NEIL2: variants seen among roughly 807,000 people sequenced by gnomAD.
The protein encoded by NEIL2 is nei like DNA glycosylase 2.
In NEIL2, 23 loss-of-function variants were observed where a neutral mutation model predicts 22.2. The observed-to-expected ratio is 1.04, with a 90% CI of 0.75 to 1.47. The LOEUF (loss-of-function observed/expected upper bound fraction) is 1.47. Ranked by LOEUF, NEIL2 falls within the 40% of genes most tolerant of loss-of-function variation. The pLI, the probability that NEIL2 is intolerant of heterozygous loss-of-function variation, is 0.00. For missense variants in NEIL2, 583 were observed against 404.7 expected (o/e 1.44, Z -3.78); for synonymous variants, 229 against 164.8 (o/e 1.39, Z -2.99).
chr8:11,777,615 T>G (rs1359391561), intron 2 of NEIL2, among the ~76,000 whole-genome samples: 1 of 152,172 alleles, frequency 6.6e-6, no homozygotes, highest in Non-Finnish European at 1.5e-5. Context: ...ATACCTCATA[T>G]CAGTGGAATT....
At chr8:11,771,623 C>T in intron 2 of NEIL2, 38 bp downstream of exon 2, 1 of 1,590,222 alleles carries the variant, frequency 6.3e-7, no homozygotes, top group Non-Finnish European at 8.6e-7. Flanking sequence ...GCTCTGTCGC[C>T]CATCCTGCGC....
intron 3 of NEIL2, 50 bp downstream of exon 3, chr8:11,780,000 C>G: frequency 6.6e-7 from 1 of 1,517,404 alleles, no homozygotes; most frequent in Non-Finnish European, 9.1e-7. Flanking sequence ...TCATAGGGCC[C>G]TGCTTGGTGG....
At chr8:11,780,985 G>A (rs775894027) in intron 3 of NEIL2, among the ~76,000 whole-genome samples, 7 of 152,102 alleles carry the variant, frequency 4.6e-5, no homozygotes, top group Non-Finnish European at 7.4e-5. Flanking sequence ...CTTTGATTGT[G>A]CTTATGATGT....
chr8:11,786,268 T>C lies in NEIL2; in HGVS notation c.994T>C (p.Ser332Pro). ...AGAGGAGCCAGAGCAGTGCCAGTTCTCCTAAGGAGCTGGTGGTGCTCCTCA... is the reference window on the plus strand; with the variant it reads ...AGAGGAGCCAGAGCAGTGCCAGTTCCCCTAAGGAGCTGGTGGTGCTCCTCA... ...LSEEPEQCQF[S>P] Residue 332 changes from serine (S) to proline (P), a missense_variant, in exon 5 of 5, where the codon TCC becomes CCC. Physicochemically the swap from Ser to Pro is moderately conservative, Grantham distance 74. Transcript: ENST00000284503. 1.2e-6 allele frequency: 2 copies of C among 1,611,386 alleles called. No homozygotes were observed. Among genetic ancestry groups the C allele is most frequent in the South Asian group, 1.1e-5 (1 of 90,876 alleles).
intron 2 of NEIL2, among the ~76,000 whole-genome samples, chr8:11,772,558 G>A (rs1258156126): frequency 1.3e-5 from 2 of 152,180 alleles, no homozygotes; most frequent in Non-Finnish European, 2.9e-5. Context: ...CCATCTCTGT[G>A]CTTCCAGGAC....
At chr8:11,777,343 C>T (rs1437064613) in intron 2 of NEIL2, among the ~76,000 whole-genome samples, 3 of 151,828 alleles carry the variant, frequency 2.0e-5, no homozygotes, top group Admixed American at 6.6e-5. Flanking sequence ...ACAGTTGTCC[C>T]CCTCCCACCC....
chr8:11,778,846 G>C (rs1248061064), intron 2 of NEIL2, among the ~76,000 whole-genome samples: 1 of 146,584 alleles, frequency 6.8e-6, no homozygotes, highest in African/African-American at 2.5e-5. Context: ...CAGCTACTTG[G>C]GAAGCTGAGG....
At chr8:11,785,136 T>C (rs1261066620) in intron 4 of NEIL2, among the ~76,000 whole-genome samples, 4 of 152,170 alleles carry the variant, frequency 2.6e-5, no homozygotes, top group African/African-American at 9.7e-5. Flanking sequence ...CCTCCCAAAG[T>C]GCTGGGATTA....
At chr8:11,783,861 A>G (rs1226223733) in intron 4 of NEIL2, among the ~76,000 whole-genome samples, 1 of 152,202 alleles carries the variant, frequency 6.6e-6, no homozygotes. Context: ...GCCAGGGCAC[A>G]GAGATGACTC....
In NEIL2 at chr8:11,770,285, C is replaced by G. The variant is rs1046368362; in HGVS notation, c.-53C>G. ...GGACTTGGTGCATTTCAGATGAAGGCTTTTCCAGAAGCTTCCCCGTAGAAG... is the reference window on the plus strand; with the variant it reads ...GGACTTGGTGCATTTCAGATGAAGGGTTTTCCAGAAGCTTCCCCGTAGAAG... On this transcript the variant is annotated 5_prime_UTR_variant, in exon 1 of 5. Transcript: ENST00000284503. The G allele has an allele frequency of 2.0e-5, 3 of 152,206 alleles. No homozygotes were observed. The highest frequency in any genetic ancestry group is 4.8e-5 in the African/African-American group (2 of 41,436). The allele number at this position is 152,206 out of a possible 1,614,324, so 9.4% of individuals were successfully genotyped here.
intron 2 of NEIL2, among the ~76,000 whole-genome samples, chr8:11,777,663 C>G (rs1016674845): frequency 6.6e-6 from 1 of 152,014 alleles, no homozygotes; most frequent in Non-Finnish European, 1.5e-5. Flanking sequence ...GCTTATTTCA[C>G]TTAGTATAAA....
intron 2 of NEIL2, among the ~76,000 whole-genome samples, chr8:11,778,819 G>T (rs1804134408): frequency 1.3e-5 from 2 of 151,610 alleles, no homozygotes; most frequent in Non-Finnish European, 2.9e-5. Flanking sequence ...GGGGGTGGTG[G>T]TGTGCACCTA....
In NEIL2 at chr8:11,783,025, C is replaced by CT. The variant is rs1804570874; in HGVS notation, c.492-177dup. ...GATCCAGCCACAGAGTGTGCTCTGA[C>CT]TATACTGTGGTAACGATGTGGGGAT... On this transcript the variant is annotated intron_variant, in intron 3 of 4. Coordinates refer to ENST00000284503, the MANE Select transcript of NEIL2 (RefSeq NM_145043.4). 8.9e-6 allele frequency: 6 copies of CT among 677,370 alleles called. No individual in the cohort carries two copies. The East Asian group carries it at 1.6e-4, about 19-fold the overall frequency. The allele number at this position is 677,370 out of a possible 1,614,324, so 42.0% of individuals were successfully genotyped here. A position where few individuals can be genotyped will look rare whatever the true frequency, so the allele number is the denominator to read the frequency against.
intron 3 of NEIL2, 49 bp downstream of exon 3, chr8:11,779,999 C>T: frequency 6.6e-7 from 1 of 1,521,538 alleles, no homozygotes; most frequent in South Asian, 1.1e-5. Flanking sequence ...GTCATAGGGC[C>T]CTGCTTGGTG....
At position 11,786,174 on chromosome 8, in the gene NEIL2, G is replaced by C. The variant is rs1485999906; in HGVS notation, c.900G>C (p.Glu300Asp). 3 of 1,613,912 alleles carry C rather than the reference G, an allele frequency of 1.9e-6. No homozygotes were observed. In the Admixed American group the frequency reaches 5.0e-5, roughly 27 times the overall value. The change falls in exon 5 of 5, where the codon GAG (glutamate) becomes GAC (aspartate). Residue 300 changes from glutamate (E) to aspartate (D), a missense_variant. Glu to Asp is a conservative substitution (Grantham distance 45). Coordinates refer to ENST00000284503, the MANE Select transcript of NEIL2 (RefSeq NM_145043.4). ...CTGCTGGCCACCAGGTCATGAAGGA[G>C]GCGTTTGGGCCCGAAGATGGGTTAC... ...QCPAGHQVMK[E>D]AFGPEDGLQR...
In NEIL2 at chr8:11,779,965, A is replaced by G. The variant is rs1179859033; in HGVS notation, c.491+15A>G. 1.2e-6 allele frequency: 2 copies of G among 1,609,718 alleles called. No individual in the cohort carries two copies. Among genetic ancestry groups the G allele is most frequent in the Admixed American group, 1.7e-5 (1 of 60,014 alleles). ...CCTTCCCCGAGGTAATGGTGTGGCC[A>G]TCTGATTTTCGTGGGCTCTGATAGT... On this transcript the variant is annotated intron_variant, in intron 3 of 4. Transcript: ENST00000284503.
At chr8:11,777,404 C>G (rs804257) in intron 2 of NEIL2, among the ~76,000 whole-genome samples, 2 of 151,794 alleles carry the variant, frequency 1.3e-5, no homozygotes, top group African/African-American at 4.9e-5. Context: ...ACATAACAAA[C>G]TTTACTGTCT....
chr8:11,780,201 A>G (rs976855230), intron 3 of NEIL2, among the ~76,000 whole-genome samples: 2 of 152,130 alleles, frequency 1.3e-5, no homozygotes, highest in East Asian at 3.8e-4. Context: ...CAAATGTGGC[A>G]CTTGAGGGGG....
intron 4 of NEIL2, among the ~76,000 whole-genome samples, chr8:11,784,113 G>A (rs1804687923): frequency 6.6e-6 from 1 of 152,232 alleles, no homozygotes; most frequent in Non-Finnish European, 1.5e-5. Context: ...GGTGGTGACA[G>A]AGTCATCTCC....
Sources: gnomAD v4.1 joint callset for allele counts (sites outside exome capture counted in the v4.1 genomes callset) on GRCh38, gnomAD v4.1.1 for gene constraint, MANE v1.5 for transcripts, NCBI Gene and HGNC (gene_info 2026-07-23, HGNC 2026-07-21) for gene names.